Variants in PXK observed in about 807,000 individuals in gnomAD.
PXK encodes the protein PX domain-containing protein kinase-like protein.
PXK carries 35 observed loss-of-function variants against 84.7 expected under a neutral mutation model. That is an observed-to-expected ratio of 0.41 (90% CI 0.32 to 0.55). The LOEUF is 0.55. PXK is among the 20% of genes least tolerant of loss of function. The probability of loss-of-function intolerance (pLI) is 0.21; values close to 1 mark genes in which losing one functional copy is unlikely to be tolerated. For missense variants in PXK, 634 were observed against 699.7 expected (o/e 0.91, Z 1.06); for synonymous variants, 253 against 260.8 (o/e 0.97, Z 0.29).
intron 1 of PXK, among the ~76,000 whole-genome samples, chr3:58,348,301 T>C (rs1438256068): frequency 2.6e-5 from 4 of 152,202 alleles, no homozygotes. Flanking sequence ...ACCTGATTGA[T>C]GGCTCCACTA....
At chr3:58,351,671 A>G (rs1264904332) in intron 1 of PXK, among the ~76,000 whole-genome samples, 2 of 152,064 alleles carry the variant, frequency 1.3e-5, no homozygotes, top group Non-Finnish European at 2.9e-5. Flanking sequence ...CTCATTGAGG[A>G]TAACCTGAAA....
Position 58,425,848 on chromosome 3 carries a change from T to C in PXK, c.*888T>C, listed in dbSNP as rs746718656. 2 of 152,242 alleles carry C rather than the reference T, an allele frequency of 1.3e-5. No individual in the cohort carries two copies. Among genetic ancestry groups the C allele is most frequent in the African/African-American group, 4.8e-5 (2 of 41,454 alleles). 9.4% of individuals were successfully genotyped at this position (152,242 alleles called of 1,614,324 possible). Reference sequence around the variant, plus strand: ...TTAGTCATTTATTAGAAAGATCCTTTATCCTGATTTGCTTAAACCTTTCAA... The same window carrying C: ...TTAGTCATTTATTAGAAAGATCCTTCATCCTGATTTGCTTAAACCTTTCAA... On this transcript the variant is annotated 3_prime_UTR_variant, in exon 18 of 18. Transcript: ENST00000356151.
intron 1 of PXK, among the ~76,000 whole-genome samples, chr3:58,363,564 A>G (rs1046927201): frequency 6.6e-6 from 1 of 152,102 alleles, no homozygotes; most frequent in African/African-American, 2.4e-5. Context: ...TCAAGCAGTC[A>G]TCCCACCTCA....
At chr3:58,422,599 A>C (rs1402992260) in intron 17 of PXK, 1 of 985,204 alleles carries the variant, frequency 1.0e-6, no homozygotes, top group African/African-American at 1.7e-5. Context: ...CATGTACTGA[A>C]CCCCACCCTC....
chr3:58,371,171 C>T (rs1160697669), intron 3 of PXK, among the ~76,000 whole-genome samples: 2 of 152,110 alleles, frequency 1.3e-5, no homozygotes, highest in Non-Finnish European at 2.9e-5. Flanking sequence ...CACATAATGT[C>T]TTTTTGTGTT....
intron 1 of PXK, among the ~76,000 whole-genome samples, chr3:58,362,860 C>T (rs568690963): frequency 2.0e-5 from 3 of 152,076 alleles, no homozygotes; most frequent in African/African-American, 4.8e-5. Flanking sequence ...ACTACAAGTG[C>T]GTACCACCAT....
At chr3:58,387,043 C>G (rs1253837363) in intron 4 of PXK, among the ~76,000 whole-genome samples, 5 of 152,200 alleles carry the variant, frequency 3.3e-5, no homozygotes, top group African/African-American at 1.2e-4. Context: ...GACCCTAGCT[C>G]CAGTCCTAGA....
At chr3:58,423,560 A>C (rs2062290785) in intron 17 of PXK, 1 of 1,521,488 alleles carries the variant, frequency 6.6e-7, no homozygotes, top group Non-Finnish European at 8.8e-7. Context: ...GGATGTACTT[A>C]CCTGAGTATT....
chr3:58,373,186 T>C (rs954277945), intron 3 of PXK, among the ~76,000 whole-genome samples: 1 of 151,586 alleles, frequency 6.6e-6, no homozygotes, highest in African/African-American at 2.4e-5. Flanking sequence ...CACGCCATTC[T>C]CCTGCCTCAG....
At chr3:58,374,588 G>A (rs2098422189) in intron 3 of PXK, among the ~76,000 whole-genome samples, 1 of 152,190 alleles carries the variant, frequency 6.6e-6, no homozygotes. Context: ...CATAGGGCAT[G>A]TTAAAGAGGA....
At chr3:58,339,173 T>C (rs2097680356) in intron 1 of PXK, among the ~76,000 whole-genome samples, 2 of 152,094 alleles carry the variant, frequency 1.3e-5, no homozygotes, top group Admixed American at 6.6e-5. Context: ...TGTCTCTTCC[T>C]ATTGAAGACG....
chr3:58,382,522 C>G lies in PXK; in HGVS notation c.210C>G (p.Gly70=). 1 of 1,540,036 alleles carries G rather than the reference C, an allele frequency of 6.5e-7. No homozygotes were observed. Among genetic ancestry groups the G allele is most frequent in the Non-Finnish European group, 8.7e-7 (1 of 1,151,070 alleles). The change falls in exon 4 of 18, where the codon GGC becomes GGG. Residue 70 remains glycine, a synonymous_variant. Transcript: ENST00000356151. ...DLLNNSLQIA[G]LSLPLPPKKL... ...TTTTTTTTTTTTTAAAGATTGCAGG[C>G]CTAAGTCTACCTCTTCCTCCCAAAA...
At chr3:58,413,008 C>T (rs2060436798) in intron 17 of PXK, 45 bp downstream of exon 17, 2 of 1,597,478 alleles carry the variant, frequency 1.3e-6, no homozygotes, top group African/African-American at 1.3e-5. Context: ...TGTCCGCCAA[C>T]AGGAGGAGCG....
rs2060612438 is a variant in PXK, at chr3:58,414,067, G to C, written c.1528+1104G>C. 1 of 152,118 alleles carries C rather than the reference G, an allele frequency of 6.6e-6. No individual in the cohort carries two copies. The highest frequency in any genetic ancestry group is 6.6e-5 in the Admixed American group (1 of 15,266). The allele number at this position is 152,118 out of a possible 1,614,324, so 9.4% of individuals were successfully genotyped here. On this transcript the variant is annotated intron_variant, in intron 17 of 17. Coordinates refer to ENST00000356151, the MANE Select transcript of PXK (RefSeq NM_017771.5). The surrounding 1 kb of genome is among the most constrained non-coding windows in gnomAD (Gnocchi z 4.5). ...GGAGGATATTCTTGTCCTTATCTTTGTCAGCAGATTTCCCAAGAAAGCCCC... is the reference window on the plus strand; with the variant it reads ...GGAGGATATTCTTGTCCTTATCTTTCTCAGCAGATTTCCCAAGAAAGCCCC...
At chr3:58,377,734 T>TTA (rs1304841122) in intron 3 of PXK, among the ~76,000 whole-genome samples, 5 of 152,188 alleles carry the variant, frequency 3.3e-5, no homozygotes, top group African/African-American at 9.7e-5. Context: ...AGTGGATTGT[T>TTA]TATATACACA....
chr3:58,426,123 ACCTAT>A (rs1432810991), exon 18 of PXK: 4 of 152,202 alleles, frequency 2.6e-5, no homozygotes, highest in Admixed American at 1.3e-4. Context: ...TTTCCTTCCT[ACCTAT>A]CCTGTCTCTT....
intron 13 of PXK, among the ~76,000 whole-genome samples, chr3:58,408,588 T>G (rs1439611426): frequency 6.6e-6 from 1 of 151,884 alleles, no homozygotes; most frequent in Non-Finnish European, 1.5e-5. Context: ...AGTGGCGTGA[T>G]CTCGGCTCTC....
intron 4 of PXK, among the ~76,000 whole-genome samples, chr3:58,387,124 G>GGGGGCGCCT (rs2106672308): frequency 6.6e-6 from 1 of 152,312 alleles, no homozygotes; most frequent in South Asian, 2.1e-4. Context: ...TGCTCGCACT[G>GGGGGCGCCT]GGGGCGCCTG....
intron 1 of PXK, among the ~76,000 whole-genome samples, chr3:58,358,280 T>G (rs1008312125): frequency 3.9e-5 from 6 of 152,192 alleles, no homozygotes; most frequent in African/African-American, 1.4e-4. Flanking sequence ...TCCACCAGCA[T>G]CATCTCTTTC....
Sources: allele counts gnomAD v4.1 joint callset (sites outside exome capture counted in the v4.1 genomes callset), GRCh38; gene constraint gnomAD v4.1.1; non-coding constraint Gnocchi (gnomAD v3.1); transcripts MANE v1.5; gene names NCBI Gene and HGNC (gene_info 2026-07-23, HGNC 2026-07-21).